TANK: variants seen among roughly 807,000 people sequenced by gnomAD.
TANK encodes TRAF family member associated NFKB activator.
A neutral mutation model predicts 43.6 loss-of-function variants in TANK; 15 were observed. The ratio of observed to expected loss-of-function variants is 0.34; its 90% CI spans 0.23 to 0.53. TANK has a LOEUF of 0.53. TANK is among the 20% of genes least tolerant of loss of function. The probability of loss-of-function intolerance (pLI) is 0.94; values close to 1 mark genes in which losing one functional copy is unlikely to be tolerated. For missense variants in TANK, 417 were observed against 498.6 expected (o/e 0.84, Z 1.56); for synonymous variants, 162 against 178.2 (o/e 0.91, Z 0.73).
chr2:161,198,821 A>G (rs552369873), intron 2 of TANK, among the ~76,000 whole-genome samples: 1 of 152,312 alleles, frequency 6.6e-6, no homozygotes, highest in South Asian at 2.1e-4. Context: ...ACCTAAAAGT[A>G]GATAATTAGA....
chr2:161,184,468 CTATT>C (rs1185754211), intron 2 of TANK, among the ~76,000 whole-genome samples: 6 of 152,106 alleles, frequency 3.9e-5, no homozygotes, highest in Non-Finnish European at 4.4e-5. Context: ...CATAAAATAT[CTATT>C]AATATACATA....
At chr2:161,164,245 G>A (rs1684572373) in intron 1 of TANK, among the ~76,000 whole-genome samples, 1 of 152,268 alleles carries the variant, frequency 6.6e-6, no homozygotes, top group South Asian at 2.1e-4. Flanking sequence ...TTAGCTGATT[G>A]ACTGTTACTG....
At chr2:161,206,311 A>T (rs1198610262) in intron 4 of TANK, among the ~76,000 whole-genome samples, 1 of 152,206 alleles carries the variant, frequency 6.6e-6, no homozygotes, top group Non-Finnish European at 1.5e-5. Context: ...GGGACGATAC[A>T]TATTTTGAAT....
intron 1 of TANK, chr2:161,163,001 G>A (rs1333337589): frequency 6.6e-6 from 1 of 152,068 alleles, no homozygotes; most frequent in Non-Finnish European, 1.5e-5. Flanking sequence ...CCAATCTTAC[G>A]CTTGGTCATG....
chr2:161,215,166 G>A (rs1380200703), intron 4 of TANK, among the ~76,000 whole-genome samples: 1 of 152,120 alleles, frequency 6.6e-6, no homozygotes, highest in East Asian at 1.9e-4. Flanking sequence ...AAGGCTCTTG[G>A]GACCTTTAAG....
chr2:161,195,094 T>C (rs1574017783), intron 2 of TANK, among the ~76,000 whole-genome samples: 1 of 152,214 alleles, frequency 6.6e-6, no homozygotes, highest in Non-Finnish European at 1.5e-5. Context: ...TCCAGAAATA[T>C]GTCGTGTTAA....
chr2:161,158,518 G>C (rs1333018440), upstream of TANK, among the ~76,000 whole-genome samples: 1 of 152,164 alleles, frequency 6.6e-6, no homozygotes, highest in Non-Finnish European at 1.5e-5. Context: ...AGTGGAAAGA[G>C]AAAAATACGC....
Position 161,231,395 on chromosome 2 carries a change from A to C in TANK, c.945A>C (p.Val315=), listed in dbSNP as rs1480517085. ...TTDKTKPSNL[V]NTCIRTTLDR... ...ACAAAACAAAGCCCTCAAATCTCGTAAACACTTGTATCAGGACAACTCTGG... is the reference window on the plus strand; with the variant it reads ...ACAAAACAAAGCCCTCAAATCTCGTCAACACTTGTATCAGGACAACTCTGG... Residue 315 remains valine (V), a synonymous_variant, in exon 7 of 8, where the codon GTA becomes GTC. Coordinates refer to ENST00000392749, the MANE Select transcript of TANK (RefSeq NM_001199135.3). 2 of 1,614,210 alleles carry C rather than the reference A, an allele frequency of 1.2e-6. No homozygotes were observed. The highest frequency in any genetic ancestry group is 2.2e-5 in the South Asian group (2 of 91,088).
intron 2 of TANK, among the ~76,000 whole-genome samples, chr2:161,202,124 G>A (rs189464526): frequency 1.4e-5 from 2 of 145,264 alleles, no homozygotes; most frequent in Admixed American, 6.8e-5. Flanking sequence ...TATTTGGAGT[G>A]TATTACTTAT....
intron 1 of TANK, among the ~76,000 whole-genome samples, chr2:161,168,943 CTT>C (rs1390738884): frequency 6.6e-6 from 1 of 152,210 alleles, no homozygotes; most frequent in Non-Finnish European, 1.5e-5. Context: ...ACCTAGAACT[CTT>C]AATCTAGCCA....
At chr2:161,187,646 A>G (rs1367866065) in intron 2 of TANK, among the ~76,000 whole-genome samples, 1 of 152,152 alleles carries the variant, frequency 6.6e-6, no homozygotes, top group Non-Finnish European at 1.5e-5. Flanking sequence ...TACTTTAAAC[A>G]CTTTAAATAA....
chr2:161,152,065 G>T (rs575884619), intron 1 of TANK, among the ~76,000 whole-genome samples: 5 of 152,188 alleles, frequency 3.3e-5, no homozygotes, highest in African/African-American at 1.2e-4. Flanking sequence ...CTACTAAGCA[G>T]CTTAATCACC....
upstream of TANK, among the ~76,000 whole-genome samples, chr2:161,157,803 C>T (rs1198390278): frequency 6.6e-6 from 1 of 152,152 alleles, no homozygotes; most frequent in Non-Finnish European, 1.5e-5. Context: ...CCTGCCTCAG[C>T]CTCCCATATA....
intron 4 of TANK, chr2:161,208,208 A>C: frequency 1.0e-6 from 1 of 985,438 alleles, no homozygotes; most frequent in South Asian, 4.7e-5. Context: ...GAAAAAAGAG[A>C]CACAAAGTAG....
chr2:161,208,294 A>G, intron 4 of TANK: 2 of 838,422 alleles, frequency 2.4e-6, no homozygotes, highest in Non-Finnish European at 2.9e-6. Context: ...TTTATAGTTC[A>G]GTCTCTATTC....
In TANK at chr2:161,221,363, G is replaced by T. The variant is rs544174559; in HGVS notation, c.328-2552G>T. Among the ~76,000 whole-genome samples, 59 of 152,148 alleles carry T rather than the reference G, an allele frequency of 3.9e-4. 1 individual carries two copies. The South Asian group carries it at 0.012, about 30-fold the overall frequency. On this transcript the variant is annotated intron_variant, in intron 4 of 7. Transcript: ENST00000392749. ...TTTGAAGTTACAACTTCATCTTCCT[G>T]CAGTACAGAGCCCACTTGGATTATA...
At chr2:161,143,309 T>C (rs1023240910) in intron 1 of TANK, among the ~76,000 whole-genome samples, 2 of 152,202 alleles carry the variant, frequency 1.3e-5, no homozygotes, top group African/African-American at 4.8e-5. Context: ...CTGAATACGC[T>C]TTATTTCTTT....
chr2:161,196,991 C>T (rs934084943), intron 2 of TANK, among the ~76,000 whole-genome samples: 1 of 151,932 alleles, frequency 6.6e-6, no homozygotes, highest in Non-Finnish European at 1.5e-5. Flanking sequence ...AATTTGGTTG[C>T]GGAATAGTTC....
At chr2:161,234,357 TCTTAAAA>T (rs1688068856) in intron 7 of TANK, among the ~76,000 whole-genome samples, 1 of 152,212 alleles carries the variant, frequency 6.6e-6, no homozygotes, top group Non-Finnish European at 1.5e-5. Context: ...AGATGATTCT[TCTTAAAA>T]TATCAGAATT....
Sources: gnomAD v4.1 joint callset for allele counts (sites outside exome capture counted in the v4.1 genomes callset) on GRCh38, gnomAD v4.1.1 for gene constraint, MANE v1.5 for transcripts, NCBI Gene and HGNC (gene_info 2026-07-23, HGNC 2026-07-21) for gene names.